ZBTB37: variants seen among roughly 807,000 people sequenced by gnomAD.
ZBTB37 encodes zinc finger and BTB domain containing 37.
In ZBTB37, 15 loss-of-function variants were observed where a neutral mutation model predicts 37.7. The ratio of observed to expected loss-of-function variants is 0.40; its 90% CI spans 0.27 to 0.61. The LOEUF is 0.61. Among genes scored for constraint, ZBTB37 ranks in the 20% least tolerant of loss-of-function variants. ZBTB37 has a pLI of 0.44. For missense variants in ZBTB37, 514 were observed against 641.9 expected, an observed-to-expected ratio of 0.80 and a Z score of 2.15; for synonymous variants, 231 against 220.6, an observed-to-expected ratio of 1.05 and a Z score of -0.42.
chr1:173,884,497 T>C (rs1414450590), intron 4 of ZBTB37, among the ~76,000 whole-genome samples: 1 of 152,172 alleles, frequency 6.6e-6, no homozygotes, highest in Non-Finnish European at 1.5e-5. Context: ...GAAAGGAATA[T>C]GTTCATACTG....
chr1:173,883,403 C>T (rs755044771), intron 4 of ZBTB37, among the ~76,000 whole-genome samples: 3 of 151,892 alleles, frequency 2.0e-5, no homozygotes, highest in Non-Finnish European at 2.9e-5. Context: ...TGCTTGAACC[C>T]GGGAGGCGGA....
At chr1:173,870,372 G>A (rs1459376373) in exon 3 of ZBTB37, 1 of 1,614,208 alleles carries the variant, frequency 6.2e-7, no homozygotes. Context: ...ACAAAGTGGT[G>A]CTGGCTGCCA....
At chr1:173,870,682 C>T (rs1386818032) in exon 3 of ZBTB37, 2 of 1,614,064 alleles carry the variant, frequency 1.2e-6, no homozygotes, top group Non-Finnish European at 1.7e-6. Context: ...TCCAGAGTCT[C>T]ACAGGGTTAC....
At chr1:173,886,491 A>G (rs1656630443) in exon 5 of ZBTB37, 2 of 176,288 alleles carry the variant, frequency 1.1e-5, no homozygotes, top group Non-Finnish European at 2.4e-5. Context: ...CTTGGTGGCT[A>G]TAATTGCCCG....
intron 3 of ZBTB37, among the ~76,000 whole-genome samples, chr1:173,871,485 T>A (rs1336612864): frequency 6.6e-6 from 1 of 152,216 alleles, no homozygotes; most frequent in Non-Finnish European, 1.5e-5. Context: ...GCTGGGAACC[T>A]AGCAGCATTG....
chr1:173,888,292 A>G (rs1458248693), downstream of ZBTB37: 2 of 152,212 alleles, frequency 1.3e-5, no homozygotes, highest in South Asian at 2.1e-4. Context: ...AGATTTTGTC[A>G]TTACTAAATA....
downstream of ZBTB37, chr1:173,889,453 C>T (rs553468179): frequency 6.6e-6 from 1 of 152,334 alleles, no homozygotes; most frequent in African/African-American, 2.4e-5. Context: ...TACTTTAATG[C>T]CATGAAATTG....
At chr1:173,869,575 C>T (rs1655366413) in intron 2 of ZBTB37, among the ~76,000 whole-genome samples, 1 of 152,184 alleles carries the variant, frequency 6.6e-6, no homozygotes, top group African/African-American at 2.4e-5. Flanking sequence ...TTCTCTGCAT[C>T]TTGGTTGAAT....
At chr1:173,899,088 T>C (rs1657161878) in exon 4 of ZBTB37, 1 of 152,224 alleles carries the variant, frequency 6.6e-6, no homozygotes, top group South Asian at 2.1e-4. Flanking sequence ...AGACAAGCAT[T>C]ACTCACAAAT....
downstream of ZBTB37, chr1:173,889,320 C>T (rs1042754414): frequency 2.6e-5 from 4 of 152,188 alleles, no homozygotes; most frequent in Admixed American, 6.5e-5. Flanking sequence ...GAGGATACCT[C>T]TTAAGGATGT....
chr1:173,877,373 C>CTT (rs58043559), intron 4 of ZBTB37, among the ~76,000 whole-genome samples: 11 of 87,754 alleles, frequency 1.3e-4, no homozygotes, highest in Admixed American at 4.5e-4. Context: ...GATTTTCTTT[C>CTT]TTTTTTTTTT....
chr1:173,874,250 C>A (rs1278465360), intron 4 of ZBTB37, among the ~76,000 whole-genome samples: 2 of 139,926 alleles, frequency 1.4e-5, no homozygotes, highest in African/African-American at 5.3e-5. Flanking sequence ...AGTGAAACTC[C>A]GTCTCAAAAA....
At chr1:173,873,748 C>T in intron 4 of ZBTB37, 182 bp downstream of exon 4, 1 of 1,061,722 alleles carries the variant, frequency 9.4e-7, no homozygotes, top group Non-Finnish European at 1.3e-6. Context: ...GAGACATCAC[C>T]AGAAAGGAAA....
chr1:173,881,571 A>G (rs1421262366), intron 4 of ZBTB37, among the ~76,000 whole-genome samples: 7 of 152,188 alleles, frequency 4.6e-5, no homozygotes, highest in Admixed American at 1.3e-4. Context: ...AGTCCCACCA[A>G]CAGTGCAAAA....
chr1:173,888,355 C>G (rs947792297), downstream of ZBTB37: 2 of 152,280 alleles, frequency 1.3e-5, no homozygotes, highest in East Asian at 1.9e-4. Context: ...GCCTTTAAGC[C>G]TACCAAAAAA....
chr1:173,899,784 A>G (rs1342976910), exon 4 of ZBTB37: 2 of 152,182 alleles, frequency 1.3e-5, no homozygotes, highest in Non-Finnish European at 2.9e-5. Context: ...ATCTTTATTG[A>G]TATTCCATGC....
intron 2 of ZBTB37, among the ~76,000 whole-genome samples, 164 bp downstream of exon 2, chr1:173,869,284 C>G (rs976931297): frequency 6.6e-6 from 1 of 152,140 alleles, no homozygotes; most frequent in African/African-American, 2.4e-5. Flanking sequence ...GCACATTGGG[C>G]TTAAGTAAAT....
exon 4 of ZBTB37, chr1:173,892,401 GCTTTT>G (rs1231936952): frequency 6.6e-6 from 1 of 152,020 alleles, no homozygotes; most frequent in Non-Finnish European, 1.5e-5. Context: ...CTTAAATGGT[GCTTTT>G]CCCAGGGCCA....
chr1:173,898,610 T>C (rs1184817917), exon 4 of ZBTB37: 1 of 152,158 alleles, frequency 6.6e-6, no homozygotes, highest in African/African-American at 2.4e-5. Flanking sequence ...AAGAGAGATA[T>C]TCTTGTTTTT....
Sources: allele counts gnomAD v4.1 joint callset (sites outside exome capture counted in the v4.1 genomes callset), GRCh38; gene constraint gnomAD v4.1.1; transcripts MANE v1.5; gene names NCBI Gene and HGNC (gene_info 2026-07-23, HGNC 2026-07-21).